Variants in PTPN5 observed in about 807,000 individuals in gnomAD.
The protein encoded by PTPN5 is protein tyrosine phosphatase non-receptor type 5, also known as tyrosine-protein phosphatase non-receptor type 5.
In PTPN5, 29 loss-of-function variants were observed where a neutral mutation model predicts 73.9. The ratio of observed to expected loss-of-function variants is 0.39; its 90% confidence interval spans 0.29 to 0.54. The LOEUF (loss-of-function observed/expected upper bound fraction) is 0.54. PTPN5 is among the 20% of genes least tolerant of loss of function. The pLI, the probability that PTPN5 is intolerant of heterozygous loss-of-function variation, is 0.65. For synonymous variants in PTPN5, 267 were observed against 304.7 expected (o/e 0.88, Z 1.29); for missense variants, 652 against 751.4 (o/e 0.87, Z 1.55).
intron 2 of PTPN5, among the ~76,000 whole-genome samples, chr11:18,766,114 C>G (rs59438937): frequency 0.098 from 14,844 of 152,142 alleles, 2,384 homozygotes; most frequent in African/African-American, 0.34. Context: ...AGTATCATCA[C>G]AACCATCATC....
rs1317665932 is a variant in PTPN5 at position 18,762,927 on chromosome 11, T to A, written c.97+2880A>T. Reference sequence around the variant, plus strand: ...TGGGAGGGTGGGAACTGTTTTCAGTTTGGATTTCTGTTCAATCTCTAGTGC... The same window carrying A: ...TGGGAGGGTGGGAACTGTTTTCAGTATGGATTTCTGTTCAATCTCTAGTGC... On this transcript the variant is annotated intron_variant, in intron 3 of 14. Transcript: ENST00000358540. 2.0e-5 allele frequency among the ~76,000 whole-genome samples: 3 copies of A among 152,184 alleles called. No individual in the cohort carries two copies. In the East Asian group the frequency reaches 5.8e-4, roughly 29 times the overall value.
At chr11:18,744,685 C>T (rs1007124985) in intron 3 of PTPN5, among the ~76,000 whole-genome samples, 3 of 152,154 alleles carry the variant, frequency 2.0e-5, no homozygotes, top group African/African-American at 7.2e-5. Flanking sequence ...AGACCACATC[C>T]ATGTGCCCCC....
intron 1 of PTPN5, among the ~76,000 whole-genome samples, chr11:18,782,491 G>C (rs1851483537): frequency 6.6e-6 from 1 of 152,224 alleles, no homozygotes; most frequent in Non-Finnish European, 1.5e-5. Flanking sequence ...GCCTTCCAAA[G>C]TGCTGGGGTT....
intron 9 of PTPN5, 151 bp downstream of exon 9, chr11:18,737,729 G>A (rs148474801): frequency 2.4e-4 from 164 of 679,026 alleles, no homozygotes; most frequent in African/African-American, 1.4e-3. Flanking sequence ...CCAGGGCAGC[G>A]CTTCCCTTCA....
chr11:18,766,102 G>A (rs1850634214), intron 2 of PTPN5, among the ~76,000 whole-genome samples: 1 of 152,158 alleles, frequency 6.6e-6, no homozygotes, highest in African/African-American at 2.4e-5. Flanking sequence ...ATCAGTGGCA[G>A]CAGTATCATC....
intron 3 of PTPN5, among the ~76,000 whole-genome samples, chr11:18,758,421 C>A (rs1180753890): frequency 6.6e-6 from 1 of 152,156 alleles, no homozygotes; most frequent in South Asian, 2.1e-4. Context: ...AGGTGCCAGA[C>A]ATATAATAAA....
intron 1 of PTPN5, among the ~76,000 whole-genome samples, chr11:18,781,204 TG>T: frequency 6.9e-6 from 1 of 145,624 alleles, no homozygotes; most frequent in Non-Finnish European, 1.5e-5. Flanking sequence ...CACTCATCCA[TG>T]CCACTTCCCA....
At chr11:18,732,800 A>G in intron 11 of PTPN5, 98 bp from the exon 12 acceptor site, 1 of 972,864 alleles carries the variant, frequency 1.0e-6, no homozygotes, top group Non-Finnish European at 1.6e-6. Flanking sequence ...CAAGGGCAAC[A>G]GGGTTGCTGC....
intron 3 of PTPN5, among the ~76,000 whole-genome samples, chr11:18,764,676 C>T (rs1046649430): frequency 7.2e-5 from 11 of 152,140 alleles, no homozygotes; most frequent in Admixed American, 1.3e-4. Flanking sequence ...GGAATTTCAA[C>T]GTTAGAGTTC....
chr11:18,761,901 C>T (rs1850410006), intron 3 of PTPN5, among the ~76,000 whole-genome samples: 1 of 152,292 alleles, frequency 6.6e-6, no homozygotes, highest in African/African-American at 2.4e-5. Context: ...TGTGCGTCCG[C>T]CCCTGCAGGG....
intron 9 of PTPN5, among the ~76,000 whole-genome samples, chr11:18,736,886 G>A (rs1207884103): frequency 6.6e-6 from 1 of 152,200 alleles, no homozygotes; most frequent in East Asian, 1.9e-4. Flanking sequence ...AGGGCAAGAC[G>A]AGGGAAGAGG....
intron 3 of PTPN5, among the ~76,000 whole-genome samples, chr11:18,760,536 G>A (rs1850340466): frequency 6.6e-6 from 1 of 152,196 alleles, no homozygotes; most frequent in Non-Finnish European, 1.5e-5. Context: ...AAGGTGAAGA[G>A]TAGGTCTCAG....
chr11:18,759,779 C>T (rs865807550), intron 3 of PTPN5, among the ~76,000 whole-genome samples: 13 of 152,110 alleles, frequency 8.5e-5, no homozygotes, highest in Admixed American at 3.3e-4. Flanking sequence ...TGACAGCTAC[C>T]GGTGACATCT....
At chr11:18,743,743 G>A in intron 4 of PTPN5, 1 of 569,110 alleles carries the variant, frequency 1.8e-6, no homozygotes. Flanking sequence ...ACCCTGTACG[G>A]CTGGGAGCTC....
rs1430446002 is a variant in PTPN5, at chr11:18,728,611, T to C, written c.*323A>G. 1.4e-5 allele frequency: 4 copies of C among 278,704 alleles called. No individual in the cohort carries two copies. The highest frequency in any genetic ancestry group is 6.7e-5 in the African/African-American group (3 of 44,674). The allele number at this position is 278,704 out of a possible 1,614,324, so 17.3% of individuals were successfully genotyped here. A position where few individuals can be genotyped will look rare whatever the true frequency, so the allele number is the denominator to read the frequency against. On this transcript the variant is annotated 3_prime_UTR_variant, in exon 15 of 15. Transcript: ENST00000358540. The surrounding 1 kb of genome is among the most constrained non-coding windows in gnomAD (Gnocchi z 4.1). ...GAACACATTGCAGCAGGACACAAAG[T>C]GTAGCACGGAAACATTCTGGATCAG...
intron 1 of PTPN5, among the ~76,000 whole-genome samples, chr11:18,773,659 G>T (rs1181497281): frequency 6.6e-6 from 1 of 152,182 alleles, no homozygotes; most frequent in East Asian, 1.9e-4. Context: ...ATGCTGGGGA[G>T]CTCTGAGTCT....
chr11:18,782,959 G>A (rs1373590004), intron 1 of PTPN5, among the ~76,000 whole-genome samples: 1 of 152,242 alleles, frequency 6.6e-6, no homozygotes, highest in African/African-American at 2.4e-5. Context: ...AAACACCAGA[G>A]ACTTGGCCAC....
chr11:18,773,729 TA>T (rs1309703185), intron 1 of PTPN5, among the ~76,000 whole-genome samples: 1 of 152,048 alleles, frequency 6.6e-6, no homozygotes. Flanking sequence ...TATTAAGGAT[TA>T]AAAAAATCAA....
At chr11:18,756,937 C>CAAA (rs774815903) in intron 3 of PTPN5, among the ~76,000 whole-genome samples, 14 of 143,278 alleles carry the variant, frequency 9.8e-5, no homozygotes, top group East Asian at 4.0e-4. Context: ...AAAAAAAAAA[C>CAAA]CAAAAAACAA....
Sources: allele counts gnomAD v4.1 joint callset (sites outside exome capture counted in the v4.1 genomes callset), GRCh38; gene constraint gnomAD v4.1.1; non-coding constraint Gnocchi (gnomAD v3.1); transcripts MANE v1.5; gene names NCBI Gene and HGNC (gene_info 2026-07-23, HGNC 2026-07-21).